CAMK1D: variants seen among roughly 807,000 people sequenced by gnomAD.
CAMK1D encodes calcium/calmodulin-dependent protein kinase type 1D.
A neutral mutation model predicts 47.7 loss-of-function variants in CAMK1D; 9 were observed. The observed-to-expected ratio is 0.19, with a 90% confidence interval of 0.11 to 0.33. The LOEUF is 0.33. Ranked by LOEUF, CAMK1D falls within the 10% of genes least tolerant of loss-of-function variation. CAMK1D has a pLI of 1.00. For missense variants in CAMK1D, 291 were observed against 488.7 expected, an observed-to-expected ratio of 0.60 and a Z score of 3.81; for synonymous variants, 184 against 184.9, an observed-to-expected ratio of 0.99 and a Z score of 0.04.
At chr10:12,696,697 A>G (rs1833311942) in intron 3 of CAMK1D, among the ~76,000 whole-genome samples, 1 of 152,254 alleles carries the variant, frequency 6.6e-6, no homozygotes, top group Non-Finnish European at 1.5e-5. Context: ...GCGGAATTCT[A>G]CCTGCAATTC....
chr10:12,394,003 C>A (rs1838845254), intron 1 of CAMK1D, among the ~76,000 whole-genome samples: 1 of 152,168 alleles, frequency 6.6e-6, no homozygotes, highest in Non-Finnish European at 1.5e-5. Context: ...AGACCGCTCC[C>A]GACACCCCCT....
intron 3 of CAMK1D, among the ~76,000 whole-genome samples, chr10:12,710,200 T>A (rs752781786): frequency 5.3e-5 from 8 of 152,232 alleles, no homozygotes; most frequent in Admixed American, 5.2e-4. Context: ...GACACTTAAC[T>A]TCTTCTTTAA....
chr10:12,404,337 G>A (rs1453455364), intron 1 of CAMK1D, among the ~76,000 whole-genome samples: 8 of 152,314 alleles, frequency 5.3e-5, no homozygotes, highest in African/African-American at 1.4e-4. Flanking sequence ...GAGCCCCTGC[G>A]CCCGGCCTTA....
intron 3 of CAMK1D, among the ~76,000 whole-genome samples, chr10:12,696,889 A>T (rs1212906703): frequency 6.6e-6 from 1 of 152,190 alleles, no homozygotes; most frequent in Non-Finnish European, 1.5e-5. Flanking sequence ...AAACTTCTCC[A>T]TCTTTGCAGT....
chr10:12,637,710 G>T (rs746661989), intron 2 of CAMK1D, among the ~76,000 whole-genome samples: 1 of 152,188 alleles, frequency 6.6e-6, no homozygotes, highest in African/African-American at 2.4e-5. Flanking sequence ...GTCTGTTGAA[G>T]AACATGGTGA....
chr10:12,534,406 G>A (rs1255367282), intron 1 of CAMK1D, among the ~76,000 whole-genome samples: 4 of 151,450 alleles, frequency 2.6e-5, no homozygotes, highest in Non-Finnish European at 5.9e-5. Flanking sequence ...TTGCTCTGTC[G>A]CCCAGGCTGG....
In CAMK1D at chr10:12,742,357, A is replaced by G. The variant is rs1428615826; in HGVS notation, c.300-18591A>G. On this transcript the variant is annotated intron_variant, in intron 3 of 10. Coordinates refer to ENST00000619168, the MANE Select transcript of CAMK1D (RefSeq NM_153498.4). ...ACCGTGTTGTCCAGGCTGGTTTCCA[A>G]CTCCTGGGCTCAGGCAATCCGCCTG... Among the ~76,000 whole-genome samples the G allele has an allele frequency of 3.3e-5, 5 of 152,110 alleles. No homozygotes were observed. The South Asian group carries it at 1.0e-3, about 32-fold the overall frequency.
At chr10:12,368,047 C>T (rs1837892977) in intron 1 of CAMK1D, among the ~76,000 whole-genome samples, 1 of 152,212 alleles carries the variant, frequency 6.6e-6, no homozygotes, top group East Asian at 1.9e-4. Context: ...AAAAAATTAG[C>T]CGGGCGCGGT....
At chr10:12,653,562 T>A (rs562001509) in intron 2 of CAMK1D, among the ~76,000 whole-genome samples, 1 of 152,196 alleles carries the variant, frequency 6.6e-6, no homozygotes, top group Admixed American at 6.5e-5. Flanking sequence ...TAATTACTGA[T>A]GTGCAAAAAT....
chr10:12,549,011 A>G (rs2132264016), intron 1 of CAMK1D, among the ~76,000 whole-genome samples: 1 of 152,210 alleles, frequency 6.6e-6, no homozygotes, highest in South Asian at 2.1e-4. Flanking sequence ...ATGTGCCACC[A>G]CACGCTGCTA....
chr10:12,759,087 G>A (rs996061436), intron 3 of CAMK1D, among the ~76,000 whole-genome samples: 4 of 152,186 alleles, frequency 2.6e-5, no homozygotes, highest in African/African-American at 7.2e-5. Context: ...AGTGGCTCAC[G>A]CCTGTAATCC....
chr10:12,644,874 A>T (rs547195541), intron 2 of CAMK1D, among the ~76,000 whole-genome samples: 1 of 152,228 alleles, frequency 6.6e-6, no homozygotes, highest in African/African-American at 2.4e-5. Flanking sequence ...ATCTCCAAAG[A>T]AAGTAGAAAT....
At chr10:12,363,826 AC>A (rs1307105155) in intron 1 of CAMK1D, among the ~76,000 whole-genome samples, 1 of 151,886 alleles carries the variant, frequency 6.6e-6, no homozygotes, top group African/African-American at 2.4e-5. Context: ...GTGCCACCAC[AC>A]CTGGCTAATT....
intron 1 of CAMK1D, among the ~76,000 whole-genome samples, chr10:12,550,936 A>G (rs1564406371): frequency 6.6e-6 from 1 of 152,332 alleles, no homozygotes; most frequent in South Asian, 2.1e-4. Context: ...AAGGATTTTT[A>G]AAACATGCAT....
intron 3 of CAMK1D, among the ~76,000 whole-genome samples, chr10:12,713,390 G>A (rs547822558): frequency 1.1e-4 from 16 of 152,260 alleles, no homozygotes; most frequent in Non-Finnish European, 2.1e-4. Context: ...CCTGAGGTTG[G>A]TGAAGTGCAG....
chr10:12,366,292 T>C (rs1464454091), intron 1 of CAMK1D, among the ~76,000 whole-genome samples: 2 of 152,194 alleles, frequency 1.3e-5, no homozygotes, highest in Non-Finnish European at 2.9e-5. Flanking sequence ...GAACTTAAAA[T>C]TAGAACAGCA....
chr10:12,355,188 C>T (rs1163900816), intron 1 of CAMK1D, among the ~76,000 whole-genome samples: 3 of 152,120 alleles, frequency 2.0e-5, no homozygotes. Context: ...AATAAGAGCT[C>T]AGGACCAGCA....
At chr10:12,766,107 G>C (rs1307128920) in intron 4 of CAMK1D, among the ~76,000 whole-genome samples, 1 of 151,592 alleles carries the variant, frequency 6.6e-6, no homozygotes, top group African/African-American at 2.4e-5. Context: ...CTGGGATTAC[G>C]GGCATGTGCC....
At position 12,366,580 on chromosome 10, in the gene CAMK1D, A is replaced by G. The variant is rs369731840; in HGVS notation, c.92+16670A>G. Among the ~76,000 whole-genome samples, 34 of 151,960 alleles carry G rather than the reference A, an allele frequency of 2.2e-4. 1 individual carries two copies. The South Asian group carries it at 6.7e-3, about 30-fold the overall frequency. ...AGGCTGAGGCAGGAGAATCGCTTGA[A>G]CCTAGGAGGTGGGGGTTGCAGTGAG... On this transcript the variant is annotated intron_variant, in intron 1 of 10. Coordinates refer to ENST00000619168, the MANE Select transcript of CAMK1D (RefSeq NM_153498.4).
Sources: allele counts gnomAD v4.1 joint callset (sites outside exome capture counted in the v4.1 genomes callset), GRCh38; gene constraint gnomAD v4.1.1; transcripts MANE v1.5; gene names NCBI Gene and HGNC (gene_info 2026-07-23, HGNC 2026-07-21).